DGKD: variants seen among roughly 807,000 people sequenced by gnomAD.
DGKD encodes diacylglycerol kinase delta.
In DGKD, 68 loss-of-function variants were observed where a neutral mutation model predicts 154.4. That is an observed-to-expected ratio of 0.44 (90% CI 0.36 to 0.54). DGKD has a LOEUF of 0.54. Among genes scored for constraint, DGKD ranks in the 20% least tolerant of loss-of-function variants. The pLI is 0.00. For missense variants in DGKD, 1,343 were observed against 1,593.6 expected (o/e 0.84, Z 2.68); for synonymous variants, 693 against 638.0 (o/e 1.09, Z -1.30).
intron 3 of DGKD, among the ~76,000 whole-genome samples, chr2:233,402,614 A>G (rs2061587834): frequency 6.6e-6 from 1 of 152,182 alleles, no homozygotes; most frequent in African/African-American, 2.4e-5. Context: ...TCTGTGGGCC[A>G]GGCTCCCCCT....
intron 1 of DGKD, among the ~76,000 whole-genome samples, chr2:233,360,845 T>G (rs1208852343): frequency 1.3e-5 from 2 of 152,190 alleles, no homozygotes; most frequent in Non-Finnish European, 2.9e-5. Context: ...AGTTCGTTGA[T>G]GCAAACCAAG....
At chr2:233,465,670 A>G (rs1007246955) in intron 27 of DGKD, among the ~76,000 whole-genome samples, 10 of 152,250 alleles carry the variant, frequency 6.6e-5, no homozygotes, top group African/African-American at 2.2e-4. Flanking sequence ...GCCACCAAGG[A>G]CAAAAATAAA....
Position 233,456,933 on chromosome 2 carries a change from C to T in DGKD, c.2410C>T (p.Leu804Phe). ...CAAGAACATGATGTGGTATGGAGTT[C>T]TTGGAACCAAAGAGTTGCTGCACAG... The part of the protein sequence containing the change: ...RTKNMMWYGV[L>F]GTKELLHRTY... Residue 804 changes from leucine (L) to phenylalanine (F), a missense_variant, in exon 20 of 30, where the codon CTT becomes TTT. Leu to Phe is a conservative substitution (Grantham distance 22). Coordinates refer to ENST00000264057, the MANE Select transcript of DGKD (RefSeq NM_152879.3). The T allele has an allele frequency of 6.2e-7, 1 of 1,614,184 alleles. No homozygotes were observed.
At chr2:233,385,001 T>A (rs1432873710) in intron 1 of DGKD, among the ~76,000 whole-genome samples, 1 of 152,148 alleles carries the variant, frequency 6.6e-6, no homozygotes, top group Non-Finnish European at 1.5e-5. Flanking sequence ...TGGTCTGAGC[T>A]CCTGGCCATG....
chr2:233,421,530 A>G (rs2062112327), intron 3 of DGKD, among the ~76,000 whole-genome samples: 1 of 152,214 alleles, frequency 6.6e-6, no homozygotes, highest in African/African-American at 2.4e-5. Flanking sequence ...TTACACCTGC[A>G]TGGCCCTCTG....
Position 233,424,553 on chromosome 2 carries a change from T to G in DGKD, c.349-9827T>G, listed in dbSNP as rs376784875. Among the ~76,000 whole-genome samples, 5 of 152,322 alleles carry G rather than the reference T, an allele frequency of 3.3e-5. No individual in the cohort carries two copies. In the East Asian group the frequency reaches 9.7e-4, roughly 29 times the overall value. ...TGTGCCAGACACCGCTTGTACTGAG[T>G]GAGCTTGGGAGAGCTCGTGGTGAGT... On this transcript the variant is annotated intron_variant, in intron 3 of 29. Transcript: ENST00000264057.
chr2:233,423,949 C>G (rs940867914), intron 3 of DGKD, among the ~76,000 whole-genome samples: 1 of 152,182 alleles, frequency 6.6e-6, no homozygotes, highest in Non-Finnish European at 1.5e-5. Flanking sequence ...GCCATCTTCT[C>G]TCTACCTTTC....
chr2:233,386,116 A>G, intron 1 of DGKD: 1 of 366,984 alleles, frequency 2.7e-6, no homozygotes, highest in East Asian at 8.2e-5. Flanking sequence ...TGTCCTTTAA[A>G]GATAACTTAT....
At chr2:233,396,725 G>A (rs1197716782) in intron 3 of DGKD, among the ~76,000 whole-genome samples, 1 of 152,162 alleles carries the variant, frequency 6.6e-6, no homozygotes, top group East Asian at 1.9e-4. Flanking sequence ...GTGTCTGTGT[G>A]TTGGTGTGTG....
At chr2:233,381,661 G>A (rs1398839961) in intron 1 of DGKD, among the ~76,000 whole-genome samples, 5 of 152,284 alleles carry the variant, frequency 3.3e-5, no homozygotes, top group East Asian at 3.9e-4. Flanking sequence ...CATGCCTTAC[G>A]TTTTGTGAAC....
At chr2:233,387,335 T>C (rs533510511) in intron 1 of DGKD, among the ~76,000 whole-genome samples, 56 of 152,356 alleles carry the variant, frequency 3.7e-4, no homozygotes, top group African/African-American at 1.3e-3. Context: ...ATTTCCATGC[T>C]GAGGCTCCTT....
At position 233,371,797 on chromosome 2, in the gene DGKD, C is replaced by G. The variant is rs141407805; in HGVS notation, c.157-16460C>G. Among the ~76,000 whole-genome samples, 805 of 152,276 alleles carry G rather than the reference C, an allele frequency of 5.3e-3. 5 individuals are homozygous for G. Among genetic ancestry groups the G allele is most frequent in the African/African-American group, 0.018 (740 of 41,552 alleles). The stretch of plus-strand genomic sequence containing the variant: ...ACCAGCTGTTGAAGAGGAGCGCTCT[C>G]CAGTTGGAGTCTGCCTCCCCAGCTG... On this transcript the variant is annotated intron_variant, in intron 1 of 29. Coordinates refer to ENST00000264057, the MANE Select transcript of DGKD (RefSeq NM_152879.3).
intron 1 of DGKD, among the ~76,000 whole-genome samples, chr2:233,357,699 C>T (rs1701594717): frequency 6.6e-6 from 1 of 151,932 alleles, no homozygotes; most frequent in Non-Finnish European, 1.5e-5. Flanking sequence ...ACCATGCTGG[C>T]TAATTTTTGT....
rs1048019800 is a variant in DGKD at position 233,458,487 on chromosome 2, G to A, written c.2694+90G>A. On this transcript the variant is annotated intron_variant, in intron 22 of 29. Transcript: ENST00000264057. This position sits in a 1 kb window ranked among gnomAD's most constrained non-coding sequence, Gnocchi z 6.6. ...CAGTGCATGGAGCCTGGGAGGGTGG[G>A]CGCTTTCCAGGGCCATGTGGCTGCC... The A allele has an allele frequency of 9.0e-6, 9 of 1,001,998 alleles. No homozygotes were observed. Among genetic ancestry groups the A allele is most frequent in the Non-Finnish European group, 1.3e-5 (9 of 669,516 alleles). The allele number at this position is 1,001,998 out of a possible 1,614,324, so 62.1% of individuals were successfully genotyped here.
intron 3 of DGKD, among the ~76,000 whole-genome samples, chr2:233,409,601 G>A (rs916912341): frequency 3.3e-5 from 5 of 151,782 alleles, no homozygotes; most frequent in African/African-American, 1.2e-4. Flanking sequence ...GAATAACCTG[G>A]TGTTTCACAG....
Position 233,414,980 on chromosome 2 carries a change from G to A in DGKD, c.349-19400G>A, listed in dbSNP as rs1297997907. Among the ~76,000 whole-genome samples the A allele has an allele frequency of 2.6e-5, 4 of 152,132 alleles. No homozygotes were observed. In the South Asian group the frequency reaches 6.2e-4, roughly 24 times the overall value. On this transcript the variant is annotated intron_variant, in intron 3 of 29. Transcript: ENST00000264057. Reference sequence around the variant, plus strand: ...GTGTGTGTGGGTATTTTTTAGAGACGGGGTCTTGCTGTGTTGCCTGGGCCG... The same window carrying A: ...GTGTGTGTGGGTATTTTTTAGAGACAGGGTCTTGCTGTGTTGCCTGGGCCG...
At position 233,457,231 on chromosome 2, in the gene DGKD, G is replaced by A. The variant is rs754783559; in HGVS notation, c.2483G>A (p.Arg828Gln). The A allele has an allele frequency of 2.1e-5, 32 of 1,517,280 alleles. No homozygotes were observed. Among genetic ancestry groups the A allele is most frequent in the East Asian group, 4.5e-5 (2 of 44,008 alleles). The allele number at this position is 1,517,280 out of a possible 1,614,324, so 94.0% of individuals were successfully genotyped here. The part of the protein sequence containing the change: ...EQKVLLECDG[R>Q]PIPLPSLQGI... ...GTCTCTGCTGCTCAGTGTGACGGGC[G>A]ACCCATCCCACTCCCCAGTCTTCAG... is the stretch of plus-strand genomic sequence containing the variant. The change falls in exon 21 of 30, where the codon CGA becomes CAA. Residue 828 changes from arginine to glutamine, a missense_variant. Arg to Gln is a conservative substitution (Grantham distance 43). Coordinates refer to ENST00000264057, the MANE Select transcript of DGKD (RefSeq NM_152879.3). This position sits in a 1 kb window ranked among gnomAD's most constrained non-coding sequence, Gnocchi z 5.5.
At chr2:233,372,361 G>T (rs1702364284) in intron 1 of DGKD, among the ~76,000 whole-genome samples, 1 of 152,140 alleles carries the variant, frequency 6.6e-6, no homozygotes, top group African/African-American at 2.4e-5. Flanking sequence ...ACTTGATTCA[G>T]TTCTTTTTAT....
chr2:233,390,914 G>A (rs1703562877), intron 3 of DGKD, among the ~76,000 whole-genome samples: 1 of 152,110 alleles, frequency 6.6e-6, no homozygotes, highest in Non-Finnish European at 1.5e-5. Context: ...TGTATTTTTA[G>A]TAGAGACAGG....
Sources: allele counts gnomAD v4.1 joint callset (sites outside exome capture counted in the v4.1 genomes callset), GRCh38; gene constraint gnomAD v4.1.1; non-coding constraint Gnocchi (gnomAD v3.1); transcripts MANE v1.5; gene names NCBI Gene and HGNC (gene_info 2026-07-23, HGNC 2026-07-21).